The following REV3L variants were observed in gnomAD, a reference collection of about 807,000 sequenced individuals.
REV3L encodes REV3 like, DNA directed polymerase zeta catalytic subunit.
Under a neutral mutation model 299.4 loss-of-function variants are expected in REV3L, and 69 were observed. The observed-to-expected ratio is 0.23, with a 90% CI of 0.19 to 0.28. The LOEUF is 0.28. REV3L is among the 10% of genes least tolerant of loss of function. The pLI is 1.00. For synonymous variants in REV3L, 1,238 were observed against 1,271.4 expected, an observed-to-expected ratio of 0.97 and a Z score of 0.56; for missense variants, 3,128 against 3,693.8, an observed-to-expected ratio of 0.85 and a Z score of 3.97.
At chr6:111,426,744 G>A (rs1786231289) in intron 1 of REV3L, among the ~76,000 whole-genome samples, 1 of 152,144 alleles carries the variant, frequency 6.6e-6, no homozygotes, top group African/African-American at 2.4e-5. Flanking sequence ...CAATTCCCTT[G>A]ATTTTCAATA....
chr6:111,312,892 G>A (rs1307698531), intron 28 of REV3L: 2 of 152,486 alleles, frequency 1.3e-5, no homozygotes, highest in African/African-American at 4.8e-5. Flanking sequence ...GCTTTCAGGA[G>A]TTGTTACACT....
intron 31 of REV3L, among the ~76,000 whole-genome samples, chr6:111,302,857 G>A (rs1333942761): frequency 6.6e-6 from 1 of 152,128 alleles, no homozygotes; most frequent in Admixed American, 6.5e-5. Flanking sequence ...AGCCAAGATT[G>A]CACCAACTAC....
rs979729963 is a variant in REV3L, at chr6:111,299,396, A to AT, written c.*619dup. The AT allele has an allele frequency of 2.9e-5, 2 of 70,148 alleles. No homozygotes were observed. The highest frequency in any genetic ancestry group is 6.8e-5 in the African/African-American group (2 of 29,400). 4.3% of individuals were successfully genotyped at this position (70,148 alleles called of 1,614,324 possible). On this transcript the variant is annotated 3_prime_UTR_variant, in exon 32 of 32. Coordinates refer to ENST00000368802, the MANE Select transcript of REV3L (RefSeq NM_001372078.1). ...CCATTAATAGCTAAAGCAAGACAGC[A>AT]TTTTTTAAAAAAAAATAATGTTTCA...
At chr6:111,389,028 A>G (rs1210179161) in intron 7 of REV3L, 78 bp downstream of exon 7, 1 of 1,075,884 alleles carries the variant, frequency 9.3e-7, no homozygotes, top group Non-Finnish European at 1.4e-6. Context: ...TCTAATGTCA[A>G]AGGAACAACT....
At chr6:111,329,305 A>T (rs1461512370) in intron 25 of REV3L, among the ~76,000 whole-genome samples, 1 of 150,136 alleles carries the variant, frequency 6.7e-6, no homozygotes, top group East Asian at 1.9e-4. Flanking sequence ...GGCCTCCCAA[A>T]GTGTTGGGAT....
intron 16 of REV3L, among the ~76,000 whole-genome samples, chr6:111,362,187 A>C (rs1217166649): frequency 6.6e-6 from 1 of 152,212 alleles, no homozygotes; most frequent in Admixed American, 6.5e-5. Flanking sequence ...GTATAGACCT[A>C]GGTATAAAAC....
chr6:111,434,960 T>G (rs1375593256), intron 1 of REV3L, among the ~76,000 whole-genome samples: 3 of 152,174 alleles, frequency 2.0e-5, no homozygotes, highest in African/African-American at 7.2e-5. Flanking sequence ...ATCCCAGCAC[T>G]TTGGGAGGCC....
chr6:111,318,569 ATT>A (rs966303250), intron 26 of REV3L, among the ~76,000 whole-genome samples: 2 of 151,844 alleles, frequency 1.3e-5, no homozygotes. Context: ...TGAATGCAAC[ATT>A]TTTTTTGTTT....
At chr6:111,449,409 G>A (rs1789243474) in intron 1 of REV3L, among the ~76,000 whole-genome samples, 1 of 152,122 alleles carries the variant, frequency 6.6e-6, no homozygotes, top group Non-Finnish European at 1.5e-5. Context: ...TGCAGAGACA[G>A]ACAGGAGTAG....
chr6:111,422,679 CGT>C (rs1491375204), intron 1 of REV3L, among the ~76,000 whole-genome samples: 8,472 of 24,916 alleles, frequency 0.34, 1,926 homozygotes, highest in Middle Eastern at 0.57. Context: ...TATATATATA[CGT>C]ATATATATAT....
At chr6:111,331,575 G>T (rs986055067) in intron 24 of REV3L, 101 bp downstream of exon 24, 2 of 662,970 alleles carry the variant, frequency 3.0e-6, no homozygotes, top group Non-Finnish European at 4.9e-6. Context: ...AGCAAACTCG[G>T]TGTTTTTGTT....
At chr6:111,476,328 G>T (rs1792936396) in intron 1 of REV3L, among the ~76,000 whole-genome samples, 1 of 152,018 alleles carries the variant, frequency 6.6e-6, no homozygotes. Context: ...GCTAACTTTT[G>T]TATTTTTTTG....
intron 1 of REV3L, among the ~76,000 whole-genome samples, chr6:111,425,371 A>G (rs1203742411): frequency 6.6e-6 from 1 of 152,196 alleles, no homozygotes; most frequent in Non-Finnish European, 1.5e-5. Context: ...AGGCAGAAGA[A>G]TGGCACGAAC....
intron 1 of REV3L, chr6:111,430,273 G>A: frequency 9.8e-7 from 1 of 1,015,636 alleles, no homozygotes; most frequent in Non-Finnish European, 1.6e-6. Context: ...GACAATTGCA[G>A]AGAAAAGATC....
chr6:111,327,487 G>A (rs1319558951), intron 25 of REV3L, among the ~76,000 whole-genome samples: 3 of 151,610 alleles, frequency 2.0e-5, no homozygotes, highest in East Asian at 1.9e-4. Flanking sequence ...CTGGGAGGTC[G>A]AGGCTGCAGT....
In REV3L at chr6:111,372,606, C is replaced by T. The variant is rs1779908639; in HGVS notation, c.5749G>A (p.Glu1917Lys). The T allele has an allele frequency of 6.8e-7, 1 of 1,478,818 alleles. No homozygotes were observed. The highest frequency in any genetic ancestry group is 9.0e-7 in the Non-Finnish European group (1 of 1,115,222). The allele number at this position is 1,478,818 out of a possible 1,614,324, so 91.6% of individuals were successfully genotyped here. The change falls in exon 13 of 32, where the codon GAA becomes AAA. Residue 1917 changes from glutamate to lysine, a missense_variant. Glu to Lys is a moderately conservative substitution (Grantham distance 56). This residue lies in a region of REV3L where 2,409 missense variants were observed against 2,611.8 expected (regional missense o/e 0.92). Coordinates refer to ENST00000368802, the MANE Select transcript of REV3L (RefSeq NM_001372078.1). ...AAAATAACTGATTACCTGGGCTTTTCTGGTACATCAGAAGGATTACTGCAA... is the reference window on the plus strand; with the variant it reads ...AAAATAACTGATTACCTGGGCTTTTTTGGTACATCAGAAGGATTACTGCAA... ...PFCSNPSDVP[E>K]KPREIGGRLL...
rs41543215 is a variant in REV3L at position 111,380,227 on chromosome 6, A to G, written c.1217-8T>C. ...CATCAGGACTACTGTCCACTATAAA[A>G]CAAGTACAATAATCACCAACAAATA... On this transcript the variant is annotated splice_region_variant and splice_polypyrimidine_tract_variant and intron_variant, in intron 10 of 31. Coordinates refer to ENST00000368802, the MANE Select transcript of REV3L (RefSeq NM_001372078.1). The G allele has an allele frequency of 2.9e-4, 453 of 1,567,324 alleles. No homozygotes were observed. In the African/African-American group the frequency reaches 5.5e-3, roughly 19 times the overall value.
intron 14 of REV3L, 119 bp from the exon 15 acceptor site, chr6:111,365,463 C>T (rs1391389118): frequency 1.8e-5 from 8 of 443,976 alleles, no homozygotes; most frequent in Non-Finnish European, 3.1e-5. Context: ...CCTATGAATT[C>T]CCCCCAGAAT....
intron 13 of REV3L, among the ~76,000 whole-genome samples, chr6:111,368,616 G>A (rs1365166832): frequency 6.6e-6 from 1 of 152,092 alleles, no homozygotes; most frequent in Non-Finnish European, 1.5e-5. Flanking sequence ...CTTAGGAGCT[G>A]GCAGAGCCCA....
Sources: allele counts gnomAD v4.1 joint callset (sites outside exome capture counted in the v4.1 genomes callset), GRCh38; gene constraint gnomAD v4.1.1; regional missense constraint gnomAD v4.1.1; transcripts MANE v1.5; gene names NCBI Gene and HGNC (gene_info 2026-07-23, HGNC 2026-07-21).